Variants in CSMD1 observed in about 807,000 individuals in gnomAD.
CSMD1 encodes the protein CUB and sushi domain-containing protein 1.
In CSMD1, 213 loss-of-function variants were observed where a neutral mutation model predicts 417.5. That is an observed-to-expected ratio of 0.51 (90% confidence interval 0.46 to 0.57). The LOEUF is 0.57. Ranked by LOEUF, CSMD1 falls within the 20% of genes least tolerant of loss-of-function variation. The probability of loss-of-function intolerance (pLI) is 0.00; values close to 1 mark genes in which losing one functional copy is unlikely to be tolerated. For missense variants in CSMD1, 6,923 were observed against 4,529.7 expected (o/e 1.53, Z -15.17); for synonymous variants, 2,862 against 1,736.8 (o/e 1.65, Z -16.11).
At chr8:3,322,989 A>G (rs990463970) in intron 23 of CSMD1, among the ~76,000 whole-genome samples, 1 of 152,164 alleles carries the variant, frequency 6.6e-6, no homozygotes, top group Non-Finnish European at 1.5e-5. Flanking sequence ...AGCCTTCCTC[A>G]TCAGAACCTA....
chr8:4,397,719 T>A (rs191230322), intron 3 of CSMD1, among the ~76,000 whole-genome samples: 1,935 of 152,086 alleles, frequency 0.013, 24 homozygotes, highest in Middle Eastern at 0.021. Context: ...TAACTAGATT[T>A]GAATCTCAAA....
chr8:4,871,022 C>T (rs1802707572), intron 1 of CSMD1, among the ~76,000 whole-genome samples: 1 of 152,090 alleles, frequency 6.6e-6, no homozygotes, highest in Non-Finnish European at 1.5e-5. Flanking sequence ...GAGCTGTGCT[C>T]ACCCTGGGGA....
intron 5 of CSMD1, among the ~76,000 whole-genome samples, chr8:3,871,503 T>G (rs1265259541): frequency 6.6e-6 from 1 of 152,200 alleles, no homozygotes; most frequent in African/African-American, 2.4e-5. Context: ...TAATAAACAT[T>G]TGTATCTCCA....
At chr8:4,000,187 G>C (rs2627411) in intron 4 of CSMD1, among the ~76,000 whole-genome samples, 1 of 140,520 alleles carries the variant, frequency 7.1e-6, no homozygotes, top group Non-Finnish European at 1.5e-5. Context: ...CCAGCTCGCC[G>C]CAGTTTTTAT....
chr8:3,216,799 G>A (rs1456246993), intron 29 of CSMD1, among the ~76,000 whole-genome samples: 4 of 152,220 alleles, frequency 2.6e-5, no homozygotes, highest in Non-Finnish European at 4.4e-5. Flanking sequence ...CCTCAGCCAG[G>A]ATTTGTGAAT....
chr8:4,475,783 T>C lies in CSMD1; in HGVS notation c.303-55718A>G, dbSNP rs1469516785. Reference sequence around the variant, plus strand: ...GTGCACCACCACACACAGCTAATTTTTGTATTTTTAGTACAGATGGGATTT... The same window carrying C: ...GTGCACCACCACACACAGCTAATTTCTGTATTTTTAGTACAGATGGGATTT... On this transcript the variant is annotated intron_variant, in intron 2 of 69. Transcript: ENST00000635120. Among the ~76,000 whole-genome samples the C allele has an allele frequency of 3.3e-5, 5 of 152,058 alleles. No individual in the cohort carries two copies. The South Asian group carries it at 6.2e-4, about 19-fold the overall frequency.
At position 3,930,486 on chromosome 8, in the gene CSMD1, T is replaced by C. The variant is rs144454289; in HGVS notation, c.818+67417A>G. Among the ~76,000 whole-genome samples, 116 of 150,752 alleles carry C rather than the reference T, an allele frequency of 7.7e-4. 7 individuals are homozygous for C. The highest frequency in any genetic ancestry group is 2.6e-3 in the African/African-American group (106 of 40,906). On this transcript the variant is annotated intron_variant, in intron 5 of 69. Transcript: ENST00000635120. ...TTTACCTTTCTCACCATTCCACAAG[T>C]TACTTCCTCCTTCCTTTGTTCTCCT...
At chr8:4,446,858 T>G (rs937599168) in intron 2 of CSMD1, among the ~76,000 whole-genome samples, 2 of 151,144 alleles carry the variant, frequency 1.3e-5, no homozygotes, top group Non-Finnish European at 2.9e-5. Context: ...CCTGACCTTG[T>G]GATCCACCCG....
intron 1 of CSMD1, among the ~76,000 whole-genome samples, chr8:4,659,091 T>C (rs1563084182): frequency 6.6e-6 from 1 of 151,580 alleles, no homozygotes; most frequent in African/African-American, 2.4e-5. Context: ...TACATACAAA[T>C]AAAATAACCG....
intron 5 of CSMD1, among the ~76,000 whole-genome samples, chr8:3,838,831 A>ATTAATTATATATACTATTAATAT (rs1487750552): frequency 2.3e-4 from 12 of 52,416 alleles, no homozygotes; most frequent in African/African-American, 1.4e-3. Flanking sequence ...ATTAATATAT[A>ATTAATTATATATACTATTAATAT]ATATTAATTA....
chr8:4,493,563 T>C (rs1222723059), intron 2 of CSMD1, among the ~76,000 whole-genome samples: 7 of 151,988 alleles, frequency 4.6e-5, no homozygotes, highest in African/African-American at 1.7e-4. Context: ...AGCCAGGCAA[T>C]GGGGCATGCA....
At chr8:3,559,187 G>A (rs901398337) in intron 10 of CSMD1, among the ~76,000 whole-genome samples, 1 of 152,230 alleles carries the variant, frequency 6.6e-6, no homozygotes, top group African/African-American at 2.4e-5. Flanking sequence ...CATATGGTAT[G>A]TGTTTGGGCA....
At chr8:4,677,583 T>G (rs1805776208) in intron 1 of CSMD1, among the ~76,000 whole-genome samples, 1 of 152,204 alleles carries the variant, frequency 6.6e-6, no homozygotes, top group African/African-American at 2.4e-5. Context: ...TCATAGTGCC[T>G]AAGTAATTTT....
intron 3 of CSMD1, among the ~76,000 whole-genome samples, chr8:4,257,088 T>G (rs1803511749): frequency 1.3e-5 from 2 of 152,154 alleles, no homozygotes; most frequent in South Asian, 4.1e-4. Flanking sequence ...TTAGAACTTT[T>G]TAATACCACA....
intron 39 of CSMD1, among the ~76,000 whole-genome samples, chr8:3,157,490 T>C (rs773622039): frequency 1.3e-5 from 2 of 152,196 alleles, no homozygotes; most frequent in Non-Finnish European, 2.9e-5. Context: ...CCATCAGTAA[T>C]CTGTCATTCT....
chr8:4,435,482 C>G (rs1467484442), intron 2 of CSMD1, among the ~76,000 whole-genome samples: 5 of 152,140 alleles, frequency 3.3e-5, no homozygotes, highest in African/African-American at 1.2e-4. Context: ...CTTTGGAAGC[C>G]CTGTTATGAT....
At chr8:3,444,628 G>A (rs372443213) in intron 12 of CSMD1, among the ~76,000 whole-genome samples, 6 of 152,184 alleles carry the variant, frequency 3.9e-5, no homozygotes, top group East Asian at 3.9e-4. Context: ...TCACAGGACC[G>A]TCCCTGCCTT....
chr8:3,958,753 A>G (rs78161441), intron 5 of CSMD1, among the ~76,000 whole-genome samples: 2,648 of 152,296 alleles, frequency 0.017, 67 homozygotes, highest in African/African-American at 0.059. Flanking sequence ...GAGGTCACAC[A>G]AAGCACCCTT....
At chr8:3,491,208 G>A (rs573605687) in intron 11 of CSMD1, among the ~76,000 whole-genome samples, 1 of 152,150 alleles carries the variant, frequency 6.6e-6, no homozygotes, top group Non-Finnish European at 1.5e-5. Flanking sequence ...TAGGTCCACA[G>A]GCGATAAAGA....
Sources: allele counts gnomAD v4.1 joint callset (sites outside exome capture counted in the v4.1 genomes callset), GRCh38; gene constraint gnomAD v4.1.1; transcripts MANE v1.5; gene names NCBI Gene and HGNC (gene_info 2026-07-23, HGNC 2026-07-21).